The following PDE4D variants were observed in gnomAD, a reference collection of about 807,000 sequenced individuals.
The protein encoded by PDE4D is phosphodiesterase 4D.
A neutral mutation model predicts 87.4 loss-of-function variants in PDE4D; 24 were observed. The ratio of observed to expected loss-of-function variants is 0.27; its 90% CI spans 0.20 to 0.39. The LOEUF (loss-of-function observed/expected upper bound fraction) is 0.39. Among genes scored for constraint, PDE4D ranks in the 10% least tolerant of loss-of-function variants. PDE4D has a pLI of 1.00. For missense variants in PDE4D, 714 were observed against 1,041.0 expected (o/e 0.69, Z 4.32); for synonymous variants, 384 against 383.2 (o/e 1.00, Z -0.02).
intron 1 of PDE4D, among the ~76,000 whole-genome samples, chr5:59,684,997 T>A (rs1437442151): frequency 2.0e-5 from 3 of 152,218 alleles, no homozygotes; most frequent in Non-Finnish European, 1.5e-5. Context: ...CTAAAATTCT[T>A]GCATTTCTAA....
chr5:59,333,986 C>A (rs563576166), intron 1 of PDE4D, among the ~76,000 whole-genome samples: 25 of 152,018 alleles, frequency 1.6e-4, no homozygotes, highest in African/African-American at 5.8e-4. Context: ...TTATGAGGAT[C>A]CAAAGCTGAA....
At chr5:59,717,128 CTCCT>C (rs1755147129) in intron 1 of PDE4D, among the ~76,000 whole-genome samples, 2 of 152,184 alleles carry the variant, frequency 1.3e-5, no homozygotes, top group African/African-American at 4.8e-5. Context: ...AGAAAATGTT[CTCCT>C]GCCTTTATTC....
intron 1 of PDE4D, among the ~76,000 whole-genome samples, chr5:59,436,380 T>C (rs1488460881): frequency 2.0e-5 from 3 of 152,196 alleles, no homozygotes. Flanking sequence ...ATAATGATAT[T>C]GAAAAACTTC....
chr5:60,030,096 T>C (rs569411890), intron 2 of PDE4D, among the ~76,000 whole-genome samples: 4 of 152,312 alleles, frequency 2.6e-5, no homozygotes, highest in Admixed American at 2.0e-4. Context: ...TTAATCCCAA[T>C]ATCCTAAAGC....
intron 1 of PDE4D, among the ~76,000 whole-genome samples, chr5:59,812,597 TG>T (rs1561701466): frequency 6.6e-6 from 1 of 151,498 alleles, no homozygotes; most frequent in Non-Finnish European, 1.5e-5. Context: ...GGCTTGAACC[TG>T]GGAGGCGGAC....
At position 59,499,086 on chromosome 5, in the gene PDE4D, G is replaced by GA. The variant is rs201173349; in HGVS notation, c.456-283119dup. Reference sequence around the variant, plus strand: ...CCAAGCATCTTCTCAGACCACAGTGGAAAAAAAACAGAAATCAACAGCAAG... The same window carrying GA: ...CCAAGCATCTTCTCAGACCACAGTGGAAAAAAAAACAGAAATCAACAGCAAG... On this transcript the variant is annotated intron_variant, in intron 1 of 14. Transcript: ENST00000340635. Among the ~76,000 whole-genome samples, 217 of 150,844 alleles carry GA rather than the reference G, an allele frequency of 1.4e-3. 4 individuals carry two copies. In the East Asian group the frequency reaches 0.029, roughly 20 times the overall value.
At chr5:60,253,867 T>C (rs568610906) in intron 1 of PDE4D, among the ~76,000 whole-genome samples, 1 of 151,954 alleles carries the variant, frequency 6.6e-6, no homozygotes, top group East Asian at 1.9e-4. Context: ...CCTATAATAT[T>C]GGGACAGAGT....
chr5:59,835,283 C>G (rs1467563231), intron 1 of PDE4D, among the ~76,000 whole-genome samples: 1 of 152,032 alleles, frequency 6.6e-6, no homozygotes, highest in Non-Finnish European at 1.5e-5. Flanking sequence ...AAGCCTTTCC[C>G]TCCAGGTAGA....
chr5:60,509,838 T>C (rs1191848612), intron 1 of PDE4D, among the ~76,000 whole-genome samples: 1 of 152,198 alleles, frequency 6.6e-6, no homozygotes, highest in African/African-American at 2.4e-5. Flanking sequence ...TTTATTAACA[T>C]TTGTGATGAA....
intron 1 of PDE4D, among the ~76,000 whole-genome samples, chr5:59,300,593 ACT>A (rs1770021206): frequency 6.6e-6 from 1 of 151,700 alleles, no homozygotes; most frequent in Non-Finnish European, 1.5e-5. Flanking sequence ...TGTAGAGAAA[ACT>A]CTCCCTGATG....
intron 1 of PDE4D, among the ~76,000 whole-genome samples, chr5:59,534,410 T>C (rs1407217715): frequency 1.3e-5 from 2 of 152,156 alleles, no homozygotes; most frequent in Non-Finnish European, 2.9e-5. Flanking sequence ...ATTCCAATTG[T>C]TATAATAAAG....
chr5:60,337,388 T>TACACACACACACAC (rs370108536), intron 1 of PDE4D, among the ~76,000 whole-genome samples: 12 of 89,472 alleles, frequency 1.3e-4, no homozygotes, highest in African/African-American at 5.1e-4. Flanking sequence ...TATATATATA[T>TACACACACACACAC]ACACACACAC....
At chr5:59,762,377 T>C (rs1206229940) in intron 1 of PDE4D, among the ~76,000 whole-genome samples, 2 of 120,202 alleles carry the variant, frequency 1.7e-5, no homozygotes, top group African/African-American at 6.6e-5. Context: ...TACACATGTG[T>C]ATATGTGTAT....
intron 1 of PDE4D, among the ~76,000 whole-genome samples, chr5:59,277,418 G>A (rs1765031744): frequency 6.6e-6 from 1 of 152,074 alleles, no homozygotes; most frequent in Non-Finnish European, 1.5e-5. Context: ...TTTTAAAGCA[G>A]GTTAATTAAT....
At chr5:59,893,878 A>G (rs13161180), upstream of PDE4D, 173,745 of 1,225,734 alleles carry the variant, frequency 0.14, 13,080 homozygotes, top group African/African-American at 0.24. Context: ...GGGCTCCCCA[A>G]GTCACCAAGA....
At chr5:59,774,674 T>A (rs1483296457) in intron 1 of PDE4D, among the ~76,000 whole-genome samples, 2 of 150,830 alleles carry the variant, frequency 1.3e-5, no homozygotes, top group Non-Finnish European at 2.9e-5. Flanking sequence ...CAATGGCATT[T>A]TTTTTTTCTT....
chr5:59,767,323 CCTA>C (rs1275337971), intron 1 of PDE4D, among the ~76,000 whole-genome samples: 4 of 152,176 alleles, frequency 2.6e-5, no homozygotes, highest in African/African-American at 9.6e-5. Context: ...ATGTATAGAA[CCTA>C]CTACTACCTG....
At chr5:59,749,143 C>A (rs1428526911) in intron 1 of PDE4D, among the ~76,000 whole-genome samples, 4 of 152,182 alleles carry the variant, frequency 2.6e-5, no homozygotes, top group Admixed American at 6.5e-5. Context: ...CTCTACTGAT[C>A]GACTTGTGTT....
chr5:59,678,008 G>A (rs886847687), intron 1 of PDE4D, among the ~76,000 whole-genome samples: 4 of 152,096 alleles, frequency 2.6e-5, no homozygotes, highest in Admixed American at 6.5e-5. Flanking sequence ...CTGAACAAAT[G>A]CTAAATCAAC....
Sources: gnomAD v4.1 joint callset for allele counts (sites outside exome capture counted in the v4.1 genomes callset) on GRCh38, gnomAD v4.1.1 for gene constraint, MANE v1.5 for transcripts, NCBI Gene and HGNC (gene_info 2026-07-23, HGNC 2026-07-21) for gene names.